Variants in LRRK2 observed in about 807,000 individuals in gnomAD.
LRRK2 encodes leucine-rich repeat serine/threonine-protein kinase 2.
Under a neutral mutation model 302.6 loss-of-function variants are expected in LRRK2, and 203 were observed. That is an observed-to-expected ratio of 0.67 (90% CI 0.60 to 0.75). The LOEUF (loss-of-function observed/expected upper bound fraction) is 0.75. LRRK2 is among the 30% of genes least tolerant of loss of function. LRRK2 has a pLI of 0.00. For synonymous variants in LRRK2, 1,066 were observed against 1,031.9 expected (o/e 1.03, Z -0.63); for missense variants, 2,830 against 2,951.0 (o/e 0.96, Z 0.95).
At chr12:40,340,212 C>T (rs1945997123) in intron 40 of LRRK2, 82 bp from the exon 41 acceptor site, 4 of 1,396,802 alleles carry the variant, frequency 2.9e-6, no homozygotes, top group East Asian at 2.3e-5. Context: ...ACATAGTGGA[C>T]ATTTATATTT....
chr12:40,332,687 C>T (rs1443554596), intron 39 of LRRK2, among the ~76,000 whole-genome samples: 2 of 152,004 alleles, frequency 1.3e-5, no homozygotes, highest in Admixed American at 6.6e-5. Flanking sequence ...AGTTCTAGAA[C>T]CAAATTGAAC....
At chr12:40,338,628 G>GTTT (rs1378466845) in intron 40 of LRRK2, among the ~76,000 whole-genome samples, 4 of 152,116 alleles carry the variant, frequency 2.6e-5, no homozygotes, top group Non-Finnish European at 2.9e-5. Flanking sequence ...CACTTCTTAA[G>GTTT]ATTAAATTCT....
At chr12:40,244,683 A>T (rs941556085) in intron 7 of LRRK2, among the ~76,000 whole-genome samples, 1 of 140,630 alleles carries the variant, frequency 7.1e-6, no homozygotes, top group Non-Finnish European at 1.5e-5. Context: ...GTGGTAGGTT[A>T]TACGTATTGA....
chr12:40,246,635 G>C (rs1276510360), intron 7 of LRRK2, among the ~76,000 whole-genome samples: 1 of 152,082 alleles, frequency 6.6e-6, no homozygotes, highest in Non-Finnish European at 1.5e-5. Context: ...CTTTTATTGA[G>C]CATCCTGAGG....
rs751521203 is a variant in LRRK2, at chr12:40,252,910, T to C, written c.1182T>C (p.His394=). The C allele has an allele frequency of 3.7e-6, 6 of 1,610,774 alleles. No individual in the cohort carries two copies. Among genetic ancestry groups the C allele is most frequent in the African/African-American group, 1.3e-5 (1 of 74,962 alleles). ...LHEKIGDEDG[H]FPAHREVMLS... is the part of the protein sequence containing the mutation. The stretch of plus-strand genomic sequence containing the variant: ...AACATTTTGTTTGAATTTTTGAAAG[T>C]TTCCCAGCTCATAGGGAAGTGATGC... The change falls in exon 11 of 51, where the codon CAT becomes CAC. Residue 394 remains histidine (H), a splice_region_variant and synonymous_variant. Coordinates refer to ENST00000298910, the MANE Select transcript of LRRK2 (RefSeq NM_198578.4).
intron 18 of LRRK2, among the ~76,000 whole-genome samples, chr12:40,282,116 TC>T (rs1235813924): frequency 5.5e-4 from 1 of 1,834 alleles, no homozygotes; most frequent in African/African-American, 1.3e-3. Flanking sequence ...TTCTCTTCCC[TC>T]CCCTCCCCTC....
At chr12:40,232,916 A>G (rs1022009439) in intron 3 of LRRK2, 1 of 152,394 alleles carries the variant, frequency 6.6e-6, no homozygotes, top group African/African-American at 2.4e-5. Context: ...CCAAATCTTG[A>G]TAGTAATTTT....
Position 40,305,792 on chromosome 12 carries a change from C to T in LRRK2, c.3785C>T (p.Pro1262Leu). 6.2e-7 allele frequency: 1 copy of T among 1,613,412 alleles called. No individual in the cohort carries two copies. The highest frequency in any genetic ancestry group is 8.5e-7 in the Non-Finnish European group (1 of 1,179,672). The change falls in exon 28 of 51, where the codon CCT (proline) becomes CTT (leucine). Residue 1262 changes from proline (P) to leucine (L), a missense_variant. Physicochemically the swap from Pro to Leu is moderately conservative, Grantham distance 98. Coordinates refer to ENST00000298910, the MANE Select transcript of LRRK2 (RefSeq NM_198578.4). ...CTTTTTTTTCCCATTAAGATTCCTC[C>T]TGAGATTGGCTGTCTTGAAAATCTG... ...LSHNKLKEIPPEIGCLENLTS... is the reference protein window; with the variant it reads ...LSHNKLKEIPLEIGCLENLTS...
At position 40,242,805 on chromosome 12, in the gene LRRK2, A is replaced by AAAAAAAAAAAACAACAAC. The variant is rs1941792286; in HGVS notation, c.707-734_707-733insCAACAACAAAAAAAAAAA. Among the ~76,000 whole-genome samples the AAAAAAAAAAAACAACAAC allele has an allele frequency of 1.1e-4, 3 of 27,086 alleles. 1 individual carries two copies. The South Asian group carries it at 6.0e-3, about 54-fold the overall frequency. The allele number at this position is 27,086 out of a possible 152,430, so 17.8% of individuals were successfully genotyped here. A position where few individuals can be genotyped will look rare whatever the true frequency, so the allele number is the denominator to read the frequency against. ...AAAAGTGTTCCTATTTCTCCACATC[A>AAAAAAAAAAAACAACAAC]AAAAAAAAAAAAGGTAAGCAATATA... On this transcript the variant is annotated intron_variant, in intron 6 of 50. Transcript: ENST00000298910.
intron 2 of LRRK2, among the ~76,000 whole-genome samples, chr12:40,231,123 C>A (rs1941159414): frequency 6.6e-6 from 1 of 152,074 alleles, no homozygotes; most frequent in Non-Finnish European, 1.5e-5. Flanking sequence ...ACTTGGGGAG[C>A]AGCCATTCTG....
chr12:40,314,963 A>G (rs1420624282), intron 32 of LRRK2, among the ~76,000 whole-genome samples: 1 of 152,098 alleles, frequency 6.6e-6, no homozygotes, highest in Non-Finnish European at 1.5e-5. Context: ...TGTGTGAAAT[A>G]TGCTCTGTAA....
At chr12:40,308,420 A>G (rs774148915) in intron 28 of LRRK2, 47 bp from the exon 29 acceptor site, 1 of 1,448,762 alleles carries the variant, frequency 6.9e-7, no homozygotes, top group South Asian at 1.2e-5. Flanking sequence ...AATCTCAAGT[A>G]TACTTTTAAG....
At chr12:40,320,321 A>T in intron 34 of LRRK2, 146 bp downstream of exon 34, 1 of 641,014 alleles carries the variant, frequency 1.6e-6, no homozygotes, top group Non-Finnish European at 2.6e-6. Flanking sequence ...GACATGTATC[A>T]TTTATTTTGG....
chr12:40,225,880 T>C (rs1041726930), intron 2 of LRRK2, among the ~76,000 whole-genome samples: 8 of 152,106 alleles, frequency 5.3e-5, no homozygotes, highest in African/African-American at 1.9e-4. Context: ...ACCAACAGTA[T>C]GGATGGTGGT....
At chr12:40,248,517 T>A (rs919074759) in intron 7 of LRRK2, among the ~76,000 whole-genome samples, 1 of 152,178 alleles carries the variant, frequency 6.6e-6, no homozygotes, top group African/African-American at 2.4e-5. Context: ...TTTGTTCCAT[T>A]TAATGGGTAG....
At position 40,314,056 on chromosome 12, in the gene LRRK2, G is replaced by A. The variant is rs1592275307; in HGVS notation, c.4621G>A (p.Val1541Met). The A allele has an allele frequency of 6.2e-7, 1 of 1,612,532 alleles. No individual in the cohort carries two copies. Among genetic ancestry groups the A allele is most frequent in the East Asian group, 2.2e-5 (1 of 44,818 alleles). The change falls in exon 32 of 51, where the codon GTG (valine) becomes ATG (methionine). Residue 1541 changes from valine (V) to methionine (M), a missense_variant. This residue lies in a region of LRRK2 where 2,121 missense variants were observed against 2,148.0 expected (regional missense o/e 0.99). Transcript: ENST00000298910. ...EKIILSERKN[V>M]PIEFPVIDRK... ...AATCATTTTATCGGAGCGTAAAAAT[G>A]TGCCAATTGAATTTCCCGTAATTGA...
chr12:40,305,821 T>A lies in LRRK2; in HGVS notation c.3814T>A (p.Ser1272Thr). 1 of 1,613,648 alleles carries A rather than the reference T, an allele frequency of 6.2e-7. No individual in the cohort carries two copies. The highest frequency in any genetic ancestry group is 1.3e-5 in the African/African-American group (1 of 74,962). The stretch of plus-strand genomic sequence containing the variant: ...GATTGGCTGTCTTGAAAATCTGACA[T>A]CTCTGGATGTCAGTTACAACTTGGA... ...PEIGCLENLT[S>T]LDVSYNLELR... The change falls in exon 28 of 51, where the codon TCT (serine) becomes ACT (threonine). Residue 1272 changes from serine to threonine, a missense_variant. By Grantham distance (58) the Ser-to-Thr change is moderately conservative. Transcript: ENST00000298910.
intron 13 of LRRK2, among the ~76,000 whole-genome samples, chr12:40,263,099 T>C (rs1422970641): frequency 6.6e-6 from 1 of 152,200 alleles, no homozygotes; most frequent in African/African-American, 2.4e-5. Context: ...AAGTGGAAGA[T>C]CATAAATGAT....
At chr12:40,320,884 G>T (rs1209818988) in intron 34 of LRRK2, 150 bp from the exon 35 acceptor site, 3 of 940,394 alleles carry the variant, frequency 3.2e-6, no homozygotes, top group African/African-American at 1.6e-5. Context: ...AATTTTTGGT[G>T]TAGGAAAAAT....
Sources: allele counts gnomAD v4.1 joint callset (sites outside exome capture counted in the v4.1 genomes callset), GRCh38; gene constraint gnomAD v4.1.1; regional missense constraint gnomAD v4.1.1; transcripts MANE v1.5; gene names NCBI Gene and HGNC (gene_info 2026-07-23, HGNC 2026-07-21).